The following MUS81 variants were observed in gnomAD, a reference collection of about 807,000 sequenced individuals.
MUS81 encodes structure-specific endonuclease subunit MUS81.
In MUS81, 69 loss-of-function variants were observed where a neutral mutation model predicts 74.2. The observed-to-expected ratio is 0.93, with a 90% CI of 0.77 to 1.14. The LOEUF (loss-of-function observed/expected upper bound fraction) is 1.14. Among genes scored for constraint, MUS81 ranks in the 50% most tolerant of loss-of-function variants. MUS81 has a pLI of 0.00. For missense variants in MUS81, 711 were observed against 726.5 expected, an observed-to-expected ratio of 0.98 and a Z score of 0.25; for synonymous variants, 303 against 300.6, an observed-to-expected ratio of 1.01 and a Z score of -0.08.
rs751695699 is a variant in MUS81 at position 65,864,551 on chromosome 11, G to A, written c.1114G>A (p.Gly372Ser). The change falls in exon 11 of 16, where the codon GGT becomes AGT. Residue 372 changes from glycine to serine, a missense_variant. By Grantham distance (56) the Gly-to-Ser change is moderately conservative. Coordinates refer to ENST00000308110, the MANE Select transcript of MUS81 (RefSeq NM_025128.5). ...CCGGGTATACCTGGTGGAAGAGCAT[G>A]GTTCCGTCCACAACCTCAGCCTTCC... ...ERRVYLVEEHGSVHNLSLPES... is the reference protein window; with the variant it reads ...ERRVYLVEEHSSVHNLSLPES... 6.2e-7 allele frequency: 1 copy of A among 1,614,062 alleles called. No individual in the cohort carries two copies. Among genetic ancestry groups the A allele is most frequent in the African/African-American group, 1.3e-5 (1 of 74,940 alleles).
In MUS81 at chr11:65,860,613, G is replaced by A. The variant is rs1175863707; in HGVS notation, c.-141G>A. The A allele has an allele frequency of 6.6e-6, 8 of 1,217,364 alleles. No homozygotes were observed. In the East Asian group the frequency reaches 1.8e-4, roughly 27 times the overall value. 75.4% of individuals were successfully genotyped at this position (1,217,364 alleles called of 1,614,324 possible). A position where few individuals can be genotyped will look rare whatever the true frequency, so the allele number is the denominator to read the frequency against. ...CTCGTTAGTGCCCCCTGTGTTTGGGGCCCCGTGATCTCAACGGTCCTGCCC... is the reference window on the plus strand; with the variant it reads ...CTCGTTAGTGCCCCCTGTGTTTGGGACCCCGTGATCTCAACGGTCCTGCCC... On this transcript the variant is annotated 5_prime_UTR_variant, in exon 1 of 16. Coordinates refer to ENST00000308110, the MANE Select transcript of MUS81 (RefSeq NM_025128.5).
chr11:65,860,885 G>A lies in MUS81; in HGVS notation c.132G>A (p.Gln44=), dbSNP rs774561883. 2 of 1,589,186 alleles carry A rather than the reference G, an allele frequency of 1.3e-6. No homozygotes were observed. ...RSRRRTRFVF[Q]KALRSLRRYP... is the part of the protein sequence containing the mutation. Reference sequence around the variant, plus strand: ...GGCGCCGCACGCGCTTCGTATTTCAGAAGGTGGGTCCTGGCGTGGCCCGAT... The same window carrying A: ...GGCGCCGCACGCGCTTCGTATTTCAAAAGGTGGGTCCTGGCGTGGCCCGAT... The change falls in exon 1 of 16, where the codon CAG becomes CAA. Residue 44 remains glutamine, a synonymous_variant. Transcript: ENST00000308110.
Position 65,861,398 on chromosome 11 carries a change from A to C in MUS81, c.314A>C (p.Gln105Pro), listed in dbSNP as rs1026222102. The C allele has an allele frequency of 4.4e-6, 7 of 1,603,432 alleles. No individual in the cohort carries two copies. Among genetic ancestry groups the C allele is most frequent in the Non-Finnish European group, 6.0e-6 (7 of 1,174,346 alleles). ...SPSGENSPAP[Q>P]GRLAEVQDSS... ...TCTGGAGAGAACAGTCCAGCCCCGC[A>C]GGGGCGACTTGCGGAAGTCCAGGAC... The change falls in exon 3 of 16, where the codon CAG becomes CCG. Residue 105 changes from glutamine (Q) to proline (P), a missense_variant. Coordinates refer to ENST00000308110, the MANE Select transcript of MUS81 (RefSeq NM_025128.5).
intron 14 of MUS81, chr11:65,865,553 G>A: frequency 3.2e-6 from 2 of 624,584 alleles, no homozygotes; most frequent in South Asian, 2.0e-5. Flanking sequence ...ACCTGGTGGA[G>A]AAGAGGCTTC....
downstream of MUS81, chr11:65,867,075 A>AT: frequency 6.2e-7 from 1 of 1,613,796 alleles, no homozygotes; most frequent in Non-Finnish European, 8.5e-7. Context: ...GACGTTGTTG[A>AT]TTTGCTGCAG....
downstream of MUS81, chr11:65,866,935 C>T (rs1174976333): frequency 7.4e-6 from 12 of 1,614,134 alleles, no homozygotes; most frequent in Non-Finnish European, 9.3e-6. Context: ...GTGTAGGCCC[C>T]TACAAAGACG....
intron 2 of MUS81, 96 bp downstream of exon 2, chr11:65,861,198 C>T (rs927908761): frequency 4.5e-5 from 71 of 1,586,974 alleles, no homozygotes; most frequent in Non-Finnish European, 5.8e-5. Flanking sequence ...CTCCCCACTC[C>T]TGTCCCAGTT....
In MUS81 at chr11:65,860,559, G is replaced by C. The variant is rs913900526; in HGVS notation, c.-195G>C. ...CTGACCAACCACTTAGAGCAGCGCA[G>C]GGGTGGGAGGGCGGCCGCAGGCTCT... On this transcript the variant is annotated 5_prime_UTR_variant, in exon 1 of 16. Transcript: ENST00000308110. 2.1e-5 allele frequency: 14 copies of C among 681,662 alleles called. No individual in the cohort carries two copies. Among genetic ancestry groups the C allele is most frequent in the Non-Finnish European group, 3.5e-5 (14 of 400,338 alleles). The allele number at this position is 681,662 out of a possible 1,614,324, so 42.2% of individuals were successfully genotyped here.
Position 65,860,681 on chromosome 11 carries a change from G to C in MUS81, c.-73G>C, listed in dbSNP as rs1859554440. On this transcript the variant is annotated 5_prime_UTR_variant, in exon 1 of 16. Coordinates refer to ENST00000308110, the MANE Select transcript of MUS81 (RefSeq NM_025128.5). The stretch of plus-strand genomic sequence containing the variant: ...CCGCCCCGCCCTGGGCCAGGTGTTC[G>C]AATCCCGACTCCAGAACTGGCGGCG... The C allele has an allele frequency of 1.3e-6, 2 of 1,530,542 alleles. No homozygotes were observed. The highest frequency in any genetic ancestry group is 1.7e-6 in the Non-Finnish European group (2 of 1,144,232). The allele number at this position is 1,530,542 out of a possible 1,614,324, so 94.8% of individuals were successfully genotyped here.
In MUS81 at chr11:65,861,799, A is replaced by C. The variant is rs1173022998; in HGVS notation, c.352-148A>C. 5 of 679,924 alleles carry C rather than the reference A, an allele frequency of 7.4e-6. No homozygotes were observed. The Admixed American group carries it at 1.4e-4, about 20-fold the overall frequency. 42.1% of individuals were successfully genotyped at this position (679,924 alleles called of 1,614,324 possible). A position where few individuals can be genotyped will look rare whatever the true frequency, so the allele number is the denominator to read the frequency against. On this transcript the variant is annotated intron_variant, in intron 3 of 15. Transcript: ENST00000308110. ...GCCTGCTGTTTTATCCCAGATTTGCAGCGGATCATCCCATCACCTGGCCCA... is the reference window on the plus strand; with the variant it reads ...GCCTGCTGTTTTATCCCAGATTTGCCGCGGATCATCCCATCACCTGGCCCA...
In MUS81 at chr11:65,865,153, C is replaced by G; in HGVS notation, c.1401+8C>G. 1 of 1,614,222 alleles carries G rather than the reference C, an allele frequency of 6.2e-7. No individual in the cohort carries two copies. Among genetic ancestry groups the G allele is most frequent in the Non-Finnish European group, 8.5e-7 (1 of 1,180,032 alleles). ...GGAGCCATCAAGAATAAGGTACTGT[C>G]TCTGCCTAGCTTCTCAGACATGGCC... On this transcript the variant is annotated splice_region_variant and intron_variant, in intron 13 of 15. Transcript: ENST00000308110.
At position 65,863,712 on chromosome 11, in the gene MUS81, A is replaced by G; in HGVS notation, c.952A>G (p.Arg318Gly). Residue 318 changes from arginine to glycine, a missense_variant, in exon 9 of 16, where the codon AGA becomes GGA. Transcript: ENST00000308110. ...FVWVAQETNP[R>G]DPANPGELVL... is the part of the protein sequence containing the mutation. Reference sequence around the variant, plus strand: ...GTGGGTGGCCCAGGAGACCAATCCTAGAGACCCAGGTGAAGGGCCGTGGAC... The same window carrying G: ...GTGGGTGGCCCAGGAGACCAATCCTGGAGACCCAGGTGAAGGGCCGTGGAC... The G allele has an allele frequency of 1.2e-6, 2 of 1,613,972 alleles. No individual in the cohort carries two copies. The highest frequency in any genetic ancestry group is 1.7e-6 in the Non-Finnish European group (2 of 1,179,934).
chr11:65,862,947 G>A lies in MUS81; in HGVS notation c.606-118G>A, dbSNP rs143124746. 9 of 1,306,392 alleles carry A rather than the reference G, an allele frequency of 6.9e-6. No individual in the cohort carries two copies. In the African/African-American group the frequency reaches 1.2e-4, roughly 17 times the overall value. The allele number at this position is 1,306,392 out of a possible 1,614,324, so 80.9% of individuals were successfully genotyped here. A position where few individuals can be genotyped will look rare whatever the true frequency, so the allele number is the denominator to read the frequency against. On this transcript the variant is annotated intron_variant, in intron 6 of 15. Transcript: ENST00000308110. ...AGACCAGGAGGAGCAGGAGCCACTG[G>A]GGTCATTTGTGCAGGGCGCCAAGGG...
rs1478105570 is a variant in MUS81, at chr11:65,860,745, C to T, written c.-9C>T. On this transcript the variant is annotated 5_prime_UTR_variant, in exon 1 of 16. Coordinates refer to ENST00000308110, the MANE Select transcript of MUS81 (RefSeq NM_025128.5). ...GGCGTGGAGCGCCGGAGGACCCGCC[C>T]TCGGGCTCATGGCGGCCCCGGTCCG... 2.0e-6 allele frequency: 3 copies of T among 1,533,366 alleles called. No homozygotes were observed. The highest frequency in any genetic ancestry group is 2.6e-6 in the Non-Finnish European group (3 of 1,145,542). The allele number at this position is 1,533,366 out of a possible 1,614,324, so 95.0% of individuals were successfully genotyped here.
chr11:65,864,176 AC>A (rs1859725759), intron 10 of MUS81: 2 of 584,352 alleles, frequency 3.4e-6, no homozygotes, highest in African/African-American at 3.7e-5. Context: ...CAAGGCATAA[AC>A]CTCCAGGAGT....
In MUS81 at chr11:65,861,004, C is replaced by T. The variant is rs1859578286; in HGVS notation, c.167C>T (p.Pro56Leu). The T allele has an allele frequency of 6.2e-7, 1 of 1,612,530 alleles. No homozygotes were observed. Among genetic ancestry groups the T allele is most frequent in the Non-Finnish European group, 8.5e-7 (1 of 1,179,852 alleles). Residue 56 changes from proline to leucine, a missense_variant, in exon 2 of 16, where the codon CCG becomes CTG. Transcript: ENST00000308110. ...CGTTCCCTCCGACGGTACCCACTGC[C>T]GCTGCGCAGCGGGAAGGAAGCTAAG... ...ALRSLRRYPL[P>L]LRSGKEAKIL...
chr11:65,866,883 G>C, downstream of MUS81: 1 of 1,612,814 alleles, frequency 6.2e-7, no homozygotes, highest in Non-Finnish European at 8.5e-7. Context: ...TCCTCAGCTA[G>C]GGTAGCTGCA....
rs761819988 is a variant in MUS81 at position 65,864,792 on chromosome 11, C to A, written c.1249C>A (p.Arg417=). The A allele has an allele frequency of 1.2e-6, 2 of 1,613,338 alleles. No individual in the cohort carries two copies. The highest frequency in any genetic ancestry group is 2.2e-5 in the East Asian group (1 of 44,884). The change falls in exon 12 of 16, where the codon CGG becomes AGG. Residue 417 remains arginine (R), a synonymous_variant. Coordinates refer to ENST00000308110, the MANE Select transcript of MUS81 (RefSeq NM_025128.5). ...ESAAYLALLT[R]GLQRLYQGHT... is the part of the protein sequence containing the mutation. Reference sequence around the variant, plus strand: ...AGCCGCCTACCTGGCCCTCTTGACGCGGGGCCTGCAGAGACTCTACCAGGT... The same window carrying A: ...AGCCGCCTACCTGGCCCTCTTGACGAGGGGCCTGCAGAGACTCTACCAGGT...
At chr11:65,864,681 C>A (rs1859748682) in intron 11 of MUS81, 39 bp from the exon 12 acceptor site, 2 of 1,612,310 alleles carry the variant, frequency 1.2e-6, no homozygotes, top group African/African-American at 1.3e-5. Flanking sequence ...ATGGTCTAGG[C>A]CAGGAGCCAC....
Sources: allele counts gnomAD v4.1 joint callset, GRCh38; gene constraint gnomAD v4.1.1; transcripts MANE v1.5; gene names NCBI Gene and HGNC (gene_info 2026-07-23, HGNC 2026-07-21).